Variants in FARP2 observed in about 807,000 individuals in gnomAD.
FARP2 encodes the protein FERM, ARH/RhoGEF and pleckstrin domain protein 2.
A neutral mutation model predicts 130.5 loss-of-function variants in FARP2; 111 were observed. That is an observed-to-expected ratio of 0.85 (90% CI 0.73 to 1.00). The LOEUF (loss-of-function observed/expected upper bound fraction) is 1.00. Among genes scored for constraint, FARP2 ranks in the 50% least tolerant of loss-of-function variants. FARP2 has a pLI of 0.00. For synonymous variants in FARP2, 504 were observed against 516.9 expected, an observed-to-expected ratio of 0.98 and a Z score of 0.34; for missense variants, 1,385 against 1,346.3, an observed-to-expected ratio of 1.03 and a Z score of -0.45.
At chr2:241,481,936 T>G (rs965533677) in intron 19 of FARP2, among the ~76,000 whole-genome samples, 1 of 152,220 alleles carries the variant, frequency 6.6e-6, no homozygotes, top group Non-Finnish European at 1.5e-5. Context: ...GGGCCTTGCA[T>G]GAAGTAGATG....
intron 5 of FARP2, among the ~76,000 whole-genome samples, chr2:241,408,266 G>A (rs1270438167): frequency 1.3e-5 from 2 of 152,170 alleles, no homozygotes; most frequent in East Asian, 3.9e-4. Context: ...CAGCTACTCA[G>A]GAGGCTGAGG....
At position 241,411,076 on chromosome 2, in the gene FARP2, C is replaced by T. The variant is rs762659865; in HGVS notation, c.454C>T (p.Arg152Cys). ...LQLKRDLLEE[R>C]LTCADTTAAL... ...ACTTAAGAGAGACCTGCTGGAAGAG[C>T]GTTTGACCTGTGCTGACACCACAGC... The change falls in exon 6 of 27, where the codon CGT becomes TGT. Residue 152 changes from arginine (R) to cysteine (C), a missense_variant. By Grantham distance (180) the Arg-to-Cys change is radical (BLOSUM62 -3). Coordinates refer to ENST00000264042, the MANE Select transcript of FARP2 (RefSeq NM_014808.4). The T allele has an allele frequency of 5.6e-6, 9 of 1,612,426 alleles. No individual in the cohort carries two copies. Among genetic ancestry groups the T allele is most frequent in the Admixed American group, 3.3e-5 (2 of 59,838 alleles).
chr2:241,359,278 A>G (rs528410857), intron 1 of FARP2, among the ~76,000 whole-genome samples: 9 of 152,288 alleles, frequency 5.9e-5, no homozygotes, highest in Non-Finnish European at 1.0e-4. Context: ...AAATTCAAAA[A>G]CAAAAAGGCC....
At position 241,493,420 on chromosome 2, in the gene FARP2, C is replaced by T. The variant is rs766784079; in HGVS notation, c.3023C>T (p.Ala1008Val). The change falls in exon 26 of 27, where the codon GCT becomes GTT. Residue 1008 changes from alanine to valine, a missense_variant. Transcript: ENST00000264042. Reference protein sequence around the residue: ...QFKSHVYFFRAESKYTFERWM... With the variant: ...QFKSHVYFFRVESKYTFERWM... ...AAATCCCACGTCTACTTCTTCCGGG[C>T]TGAGAGCAAGTACACATTTGAAAGG... 2.4e-5 allele frequency: 39 copies of T among 1,613,740 alleles called. No homozygotes were observed. In the Admixed American group the frequency reaches 6.5e-4, roughly 27 times the overall value.
rs750192425 is a variant in FARP2 at position 241,482,479 on chromosome 2, C to T, written c.2263-986C>T. 6.6e-6 allele frequency among the ~76,000 whole-genome samples: 1 copy of T among 152,134 alleles called. No homozygotes were observed. Among genetic ancestry groups the T allele is most frequent in the Non-Finnish European group, 1.5e-5 (1 of 68,018 alleles). ...GTGCGGTCTCCAGGGCTCCCTGTCA[C>T]GCCCCTGTGGCCTCTCAGAGTAGGG... is the stretch of plus-strand genomic sequence containing the variant. On this transcript the variant is annotated intron_variant, in intron 19 of 26. Transcript: ENST00000264042. The surrounding 1 kb of genome is among the most constrained non-coding windows in gnomAD (Gnocchi z 4.6).
intron 2 of FARP2, among the ~76,000 whole-genome samples, chr2:241,387,547 A>T (rs1281366100): frequency 1.3e-5 from 2 of 152,172 alleles, no homozygotes; most frequent in East Asian, 1.9e-4. Flanking sequence ...TAATCCCAGC[A>T]CTTTGGGAGG....
intron 13 of FARP2, among the ~76,000 whole-genome samples, chr2:241,452,043 G>A (rs1392878662): frequency 6.6e-6 from 1 of 152,040 alleles, no homozygotes; most frequent in Non-Finnish European, 1.5e-5. Context: ...GCGTAAGCCC[G>A]GCCAACATCT....
In FARP2 at chr2:241,381,320, G is replaced by C. The variant is rs574570669; in HGVS notation, c.183+8030G>C. 9.5e-4 allele frequency among the ~76,000 whole-genome samples: 145 copies of C among 152,192 alleles called. 2 individuals are homozygous for C. In the South Asian group the frequency reaches 0.028, roughly 29 times the overall value. On this transcript the variant is annotated intron_variant, in intron 2 of 26. Coordinates refer to ENST00000264042, the MANE Select transcript of FARP2 (RefSeq NM_014808.4). ...GCTGTACCCCGGCCTGCTGCTTGTT[G>C]TTGTATTGTGGAGAAATTCCTCAAG...
chr2:241,376,662 T>A (rs2061542791), intron 2 of FARP2, among the ~76,000 whole-genome samples: 1 of 152,256 alleles, frequency 6.6e-6, no homozygotes, highest in African/African-American at 2.4e-5. Flanking sequence ...GTTTGTCCAC[T>A]TGTCTCATTC....
At chr2:241,431,814 A>T (rs1175966866) in intron 9 of FARP2, 40 bp downstream of exon 9, 2 of 653,448 alleles carry the variant, frequency 3.1e-6, no homozygotes, top group Non-Finnish European at 4.4e-6. Context: ...ATTTTATTTT[A>T]TTTATTTATT....
At chr2:241,437,544 C>T (rs1180562952) in intron 12 of FARP2, among the ~76,000 whole-genome samples, 1 of 151,878 alleles carries the variant, frequency 6.6e-6, no homozygotes. Context: ...AGGCTCACTG[C>T]AACCTCTGCT....
intron 14 of FARP2, among the ~76,000 whole-genome samples, chr2:241,458,133 G>T (rs1363843844): frequency 6.6e-6 from 1 of 152,142 alleles, no homozygotes; most frequent in Non-Finnish European, 1.5e-5. Flanking sequence ...AGGGGAGTCT[G>T]CCTACAGCTA....
intron 24 of FARP2, 38 bp downstream of exon 24, chr2:241,491,717 T>C (rs765305013): frequency 3.2e-6 from 5 of 1,545,644 alleles, no homozygotes; most frequent in East Asian, 2.3e-5. Flanking sequence ...GCATCTGGAA[T>C]GTTCCCAGCT....
chr2:241,448,669 G>A (rs1227164915), intron 13 of FARP2, among the ~76,000 whole-genome samples: 1 of 152,226 alleles, frequency 6.6e-6, no homozygotes, highest in Non-Finnish European at 1.5e-5. Context: ...GCTGTTATAG[G>A]TTAGAACACC....
intron 21 of FARP2, among the ~76,000 whole-genome samples, chr2:241,485,183 C>T (rs1487333272): frequency 6.8e-6 from 1 of 147,166 alleles, no homozygotes; most frequent in African/African-American, 2.5e-5. Context: ...CCCTCCCTCC[C>T]CAAGGTCCTT....
intron 17 of FARP2, among the ~76,000 whole-genome samples, chr2:241,467,107 T>A (rs1273763354): frequency 2.0e-5 from 3 of 151,048 alleles, no homozygotes; most frequent in African/African-American, 7.3e-5. Flanking sequence ...ATACAAAAAT[T>A]AGCTGGGTGT....
At chr2:241,486,461 CAAAAAAAAAAAAAAA>C (rs56961097) in intron 21 of FARP2, among the ~76,000 whole-genome samples, 1 of 50,018 alleles carries the variant, frequency 2.0e-5, no homozygotes, top group Admixed American at 3.5e-4. Context: ...GACCTCGTCT[CAAAAAAAAAAAAAAA>C]AAAAAAAAAA....
intron 19 of FARP2, among the ~76,000 whole-genome samples, chr2:241,480,532 GT>G (rs57828148): frequency 0.67 from 100,013 of 149,194 alleles, 33,728 homozygotes; most frequent in East Asian, 0.92. Context: ...CTTGTGTTGT[GT>G]TTTTTTTTTT....
chr2:241,412,779 C>G (rs545158790), intron 6 of FARP2, among the ~76,000 whole-genome samples: 1 of 152,264 alleles, frequency 6.6e-6, no homozygotes, highest in Non-Finnish European at 1.5e-5. Context: ...ATATTCCCAG[C>G]ACATTTGGGA....
Sources: allele counts gnomAD v4.1 joint callset (sites outside exome capture counted in the v4.1 genomes callset), GRCh38; gene constraint gnomAD v4.1.1; non-coding constraint Gnocchi (gnomAD v3.1); transcripts MANE v1.5; gene names NCBI Gene and HGNC (gene_info 2026-07-23, HGNC 2026-07-21).